Variants in SPIN1 observed in about 807,000 individuals in gnomAD.
The protein encoded by SPIN1 is spindlin 1, also known as spindlin-1.
SPIN1 carries 3 observed loss-of-function variants against 26.0 expected under a neutral mutation model. The observed-to-expected ratio is 0.12, with a 90% CI of 0.05 to 0.30. The LOEUF (loss-of-function observed/expected upper bound fraction) is 0.30, where lower values mean the gene tolerates loss of function less well. SPIN1 is among the 10% of genes least tolerant of loss of function. The pLI is 1.00. For missense variants in SPIN1, 126 were observed against 333.4 expected (o/e 0.38, Z 4.84); for synonymous variants, 101 against 116.5 (o/e 0.87, Z 0.86).
At chr9:88,419,109 A>G (rs895277408) in intron 1 of SPIN1, among the ~76,000 whole-genome samples, 9 of 152,198 alleles carry the variant, frequency 5.9e-5, no homozygotes, top group African/African-American at 1.2e-4. Context: ...CAAAGAATCA[A>G]TATGTCAGTA....
In SPIN1 at chr9:88,408,553, T is replaced by G. The variant is rs145848818; in HGVS notation, c.-158-17829T>G. The stretch of plus-strand genomic sequence containing the variant: ...CACCAGGCCTCATTCATTTTTGTAT[T>G]TTTAGGAGAGACAGGGTTTCACCAT... On this transcript the variant is annotated intron_variant, in intron 1 of 5. Transcript: ENST00000375859. Among the ~76,000 whole-genome samples, 545 of 151,596 alleles carry G rather than the reference T, an allele frequency of 3.6e-3. 2 individuals are homozygous for G. The highest frequency in any genetic ancestry group is 0.012 in the African/African-American group (512 of 41,328).
chr9:88,461,418 C>T (rs1176467318), intron 3 of SPIN1, among the ~76,000 whole-genome samples: 1 of 152,172 alleles, frequency 6.6e-6, no homozygotes, highest in East Asian at 1.9e-4. Flanking sequence ...GCGGCGAGTA[C>T]TCCTTATTGT....
intron 2 of SPIN1, 90 bp from the exon 3 acceptor site, chr9:88,448,851 T>C: frequency 8.4e-7 from 1 of 1,191,018 alleles, no homozygotes; most frequent in Non-Finnish European, 1.2e-6. Flanking sequence ...TCATATTCTG[T>C]ATAGCAGTTT....
rs1828875264 is a variant in SPIN1 at position 88,475,596 on chromosome 9, C to G, written c.*319C>G. 3 of 224,114 alleles carry G rather than the reference C, an allele frequency of 1.3e-5. No homozygotes were observed. The highest frequency in any genetic ancestry group is 2.7e-5 in the Non-Finnish European group (3 of 112,004). 13.9% of individuals were successfully genotyped at this position (224,114 alleles called of 1,614,324 possible). Reference sequence around the variant, plus strand: ...AACCATTTTCCCCCTCACCCTAACTCTCTTATTCTGCCGCCACAATGCAAG... The same window carrying G: ...AACCATTTTCCCCCTCACCCTAACTGTCTTATTCTGCCGCCACAATGCAAG... On this transcript the variant is annotated 3_prime_UTR_variant, in exon 6 of 6. Coordinates refer to ENST00000375859, the MANE Select transcript of SPIN1 (RefSeq NM_006717.3).
intron 1 of SPIN1, chr9:88,411,195 C>T: frequency 7.7e-7 from 1 of 1,290,792 alleles, no homozygotes; most frequent in South Asian, 1.2e-5. Flanking sequence ...TCTGTTGAGA[C>T]AGCTCTCTTT....
At chr9:88,391,327 T>G (rs188932970) in intron 1 of SPIN1, 112 of 155,820 alleles carry the variant, frequency 7.2e-4, no homozygotes, top group Admixed American at 1.3e-3. Flanking sequence ...TACATAAAAT[T>G]ACCAGCAAGA....
chr9:88,402,038 T>A (rs1349905157), intron 1 of SPIN1, among the ~76,000 whole-genome samples: 3 of 152,222 alleles, frequency 2.0e-5, no homozygotes, highest in Admixed American at 6.5e-5. Flanking sequence ...TTGCTCAGGC[T>A]GGAGTGCGGC....
intron 1 of SPIN1, among the ~76,000 whole-genome samples, chr9:88,416,232 A>G (rs1325302564): frequency 2.0e-5 from 3 of 152,250 alleles, no homozygotes; most frequent in Non-Finnish European, 2.9e-5. Flanking sequence ...CAACATCTAC[A>G]TTCAGGAATT....
At chr9:88,460,197 A>G (rs1828551524) in intron 3 of SPIN1, among the ~76,000 whole-genome samples, 2 of 152,160 alleles carry the variant, frequency 1.3e-5, no homozygotes. Context: ...TCTGTTACAC[A>G]GAAGTTGGAA....
chr9:88,395,112 T>C (rs1451051977), intron 1 of SPIN1, among the ~76,000 whole-genome samples: 3 of 151,934 alleles, frequency 2.0e-5, no homozygotes, highest in Non-Finnish European at 4.4e-5. Flanking sequence ...CTGGCCTATT[T>C]AATGTATTTT....
At chr9:88,413,797 T>C (rs976685989) in intron 1 of SPIN1, among the ~76,000 whole-genome samples, 5 of 152,150 alleles carry the variant, frequency 3.3e-5, no homozygotes, top group Non-Finnish European at 7.3e-5. Context: ...TGGGGAACTT[T>C]AGTGAGCATT....
rs962670854 is a variant in SPIN1 at position 88,462,743 on chromosome 9, A to G, written c.349A>G (p.Arg117Gly). Residue 117 changes from arginine to glycine, a missense_variant, in exon 4 of 6, where the codon AGA becomes GGA. By Grantham distance (125) the Arg-to-Gly change is moderately radical (BLOSUM62 -2). This residue lies in a region of SPIN1 where 23 missense variants were observed against 43.0 expected (regional missense o/e 0.54). Transcript: ENST00000375859. The stretch of plus-strand genomic sequence containing the variant: ...TTCTGCGCTTGAAGTCCTCCCTGAT[A>G]GAGTTGGTAAGTTCTTTTTATAATT... ...RVSALEVLPDRVATSRISDAH... is the reference protein window; with the variant it reads ...RVSALEVLPDGVATSRISDAH... 9.3e-6 allele frequency: 15 copies of G among 1,605,004 alleles called. No homozygotes were observed. In the African/African-American group the frequency reaches 1.6e-4, roughly 17 times the overall value.
At chr9:88,431,181 G>A (rs188721412) in intron 2 of SPIN1, among the ~76,000 whole-genome samples, 7 of 150,722 alleles carry the variant, frequency 4.6e-5, no homozygotes, top group African/African-American at 7.3e-5. Context: ...CACCATGCCC[G>A]GCCCTTTTTA....
Position 88,427,091 on chromosome 9 carries a change from C to T in SPIN1, c.52+500C>T, listed in dbSNP as rs138990861. Among the ~76,000 whole-genome samples the T allele has an allele frequency of 1.8e-3, 278 of 152,184 alleles. 1 individual carries two copies. The highest frequency in any genetic ancestry group is 6.5e-3 in the African/African-American group (271 of 41,532). On this transcript the variant is annotated intron_variant, in intron 2 of 5. Coordinates refer to ENST00000375859, the MANE Select transcript of SPIN1 (RefSeq NM_006717.3). Reference sequence around the variant, plus strand: ...AAGTTAGTCTTTGCCTGATTTTTAGCGTGCCTGCCCCAATAAAGATAAACA... The same window carrying T: ...AAGTTAGTCTTTGCCTGATTTTTAGTGTGCCTGCCCCAATAAAGATAAACA...
At chr9:88,444,795 A>G (rs1162461045) in intron 2 of SPIN1, among the ~76,000 whole-genome samples, 2 of 147,222 alleles carry the variant, frequency 1.4e-5, no homozygotes, top group East Asian at 2.0e-4. Flanking sequence ...GGTTCACACC[A>G]TTCTCCTGCC....
chr9:88,392,889 C>G (rs1216197039), intron 1 of SPIN1, among the ~76,000 whole-genome samples: 1 of 152,036 alleles, frequency 6.6e-6, no homozygotes, highest in East Asian at 1.9e-4. Context: ...TTGGGGGCCA[C>G]CTTTTAAATT....
intron 1 of SPIN1, among the ~76,000 whole-genome samples, chr9:88,423,852 G>C (rs139370737): frequency 6.6e-6 from 1 of 151,680 alleles, no homozygotes; most frequent in Admixed American, 6.6e-5. Context: ...TACAACCTCT[G>C]CCTCCTGGGT....
intron 1 of SPIN1, among the ~76,000 whole-genome samples, chr9:88,395,403 T>C (rs1453295691): frequency 6.6e-6 from 1 of 152,068 alleles, no homozygotes. Context: ...GGAGAGCGCT[T>C]CATTGAAGTG....
At chr9:88,440,607 C>T (rs1828101588) in intron 2 of SPIN1, among the ~76,000 whole-genome samples, 1 of 151,368 alleles carries the variant, frequency 6.6e-6, no homozygotes, top group South Asian at 2.1e-4. Context: ...GAGATGGAGT[C>T]TCGCTCTGTT....
Sources: allele counts gnomAD v4.1 joint callset (sites outside exome capture counted in the v4.1 genomes callset), GRCh38; gene constraint gnomAD v4.1.1; regional missense constraint gnomAD v4.1.1; transcripts MANE v1.5; gene names NCBI Gene and HGNC (gene_info 2026-07-23, HGNC 2026-07-21).